The following PGBD5 variants were observed in gnomAD, a reference collection of about 807,000 sequenced individuals.
PGBD5 encodes the protein piggyBac transposable element derived 5.
PGBD5 carries 14 observed loss-of-function variants against 47.9 expected under a neutral mutation model. That is an observed-to-expected ratio of 0.29 (90% CI 0.19 to 0.46). The LOEUF is 0.46. Ranked by LOEUF, PGBD5 falls within the 20% of genes least tolerant of loss-of-function variation. The pLI is 1.00. For synonymous variants in PGBD5, 316 were observed against 306.3 expected (o/e 1.03, Z -0.33); for missense variants, 635 against 716.0 (o/e 0.89, Z 1.29).
At position 230,316,148 on chromosome 1, in the gene PGBD5, A is replaced by G. The variant is rs1393288456; in HGVS notation, c.*7277T>C. 1 of 148,938 alleles carries G rather than the reference A, an allele frequency of 6.7e-6. No homozygotes were observed. Among genetic ancestry groups the G allele is most frequent in the African/African-American group, 2.5e-5 (1 of 39,740 alleles). The allele number at this position is 148,938 out of a possible 1,614,324, so 9.2% of individuals were successfully genotyped here. A position where few individuals can be genotyped will look rare whatever the true frequency, so the allele number is the denominator to read the frequency against. On this transcript the variant is annotated 3_prime_UTR_variant, in exon 7 of 7. Transcript: ENST00000391860. Reference sequence around the variant, plus strand: ...TGTATACATACATATGTATATGTGTACACATATATGTATGTGTATACATAC... The same window carrying G: ...TGTATACATACATATGTATATGTGTGCACATATATGTATGTGTATACATAC...
intron 2 of PGBD5, among the ~76,000 whole-genome samples, chr1:230,352,918 G>A (rs141911747): frequency 3.9e-5 from 6 of 152,216 alleles, no homozygotes; most frequent in East Asian, 3.9e-4. Context: ...GTCCTCTGAG[G>A]CCACAGCAAA....
chr1:230,426,233 G>GCCACCGCCGCCACCACCGCCA lies in PGBD5; in HGVS notation c.-326_-306dup, dbSNP rs1007519599. On this transcript the variant is annotated 5_prime_UTR_variant, in exon 1 of 7. Transcript: ENST00000391860. ...GCGGCCGAGACCAGGCGCCGCCGCC[G>GCCACCGCCGCCACCACCGCCA]CCACCGCCGCCACCACCGCCACCAC... 1 of 148,792 alleles carries GCCACCGCCGCCACCACCGCCA rather than the reference G, an allele frequency of 6.7e-6. No individual in the cohort carries two copies. The highest frequency in any genetic ancestry group is 1.8e-4 in the South Asian group (1 of 5,594). The allele number at this position is 148,792 out of a possible 1,614,324, so 9.2% of individuals were successfully genotyped here. A position where few individuals can be genotyped will look rare whatever the true frequency, so the allele number is the denominator to read the frequency against.
In PGBD5 at chr1:230,337,089, G is replaced by A; in HGVS notation, c.1075+19C>T. The A allele has an allele frequency of 2.5e-6, 4 of 1,610,170 alleles. No homozygotes were observed. The highest frequency in any genetic ancestry group is 3.4e-6 in the Non-Finnish European group (4 of 1,177,184). ...GGGGAGGCTGGGCCGTATCCTCACT[G>A]GCTCCCCACTTGACTAACCTTGCTT... On this transcript the variant is annotated intron_variant, in intron 4 of 6. Transcript: ENST00000391860.
At position 230,321,982 on chromosome 1, in the gene PGBD5, T is replaced by A. The variant is rs1311114031; in HGVS notation, c.*1443A>T. On this transcript the variant is annotated 3_prime_UTR_variant, in exon 7 of 7. Coordinates refer to ENST00000391860, the MANE Select transcript of PGBD5 (RefSeq NM_001258311.2). ...AGCATGCGGACAGCAACACTCGCAA[T>A]AACTGAGTGAGGACGAGGCCCATAG... 6.6e-6 allele frequency: 1 copy of A among 152,404 alleles called. No homozygotes were observed. 9.4% of individuals were successfully genotyped at this position (152,404 alleles called of 1,614,324 possible). A position where few individuals can be genotyped will look rare whatever the true frequency, so the allele number is the denominator to read the frequency against.
At chr1:230,396,259 AC>A (rs1656965641) in intron 1 of PGBD5, among the ~76,000 whole-genome samples, 3 of 10,572 alleles carry the variant, frequency 2.8e-4, no homozygotes, top group African/African-American at 5.4e-4. Flanking sequence ...TTACCCCCAC[AC>A]TCCTCCTTTT....
chr1:230,371,871 G>A (rs16851620), intron 1 of PGBD5, among the ~76,000 whole-genome samples: 11,717 of 152,232 alleles, frequency 0.077, 1,503 homozygotes, highest in African/African-American at 0.26. Context: ...GCCCTACCGC[G>A]GAAGCTCGCC....
rs1378563542 is a variant in PGBD5, at chr1:230,404,626, AAAAAT to A, written c.331+20967_331+20971del. On this transcript the variant is annotated intron_variant, in intron 1 of 6. Coordinates refer to ENST00000391860, the MANE Select transcript of PGBD5 (RefSeq NM_001258311.2). ...AGTCTTGTCTCAAAAAAAAAAAAAAAAAAATATATATATATATATATATGGCCTGG... is the reference window on the plus strand; with the variant it reads ...AGTCTTGTCTCAAAAAAAAAAAAAAAATATATATATATATATATGGCCTGG... Among the ~76,000 whole-genome samples the A allele has an allele frequency of 5.3e-3, 713 of 134,974 alleles. 2 individuals carry two copies. The highest frequency in any genetic ancestry group is 0.045 in the Middle Eastern group (12 of 268). The allele number at this position is 134,974 out of a possible 152,430, so 88.5% of individuals were successfully genotyped here.
chr1:230,385,235 C>T (rs1362372005), intron 1 of PGBD5, among the ~76,000 whole-genome samples: 2 of 152,058 alleles, frequency 1.3e-5, no homozygotes, highest in East Asian at 3.8e-4. Context: ...GGCTGTGGGG[C>T]CTTGACTTTG....
intron 1 of PGBD5, among the ~76,000 whole-genome samples, chr1:230,377,978 G>A (rs1212049498): frequency 1.3e-5 from 2 of 152,210 alleles, no homozygotes; most frequent in Admixed American, 1.3e-4. Flanking sequence ...ACTGAAAATA[G>A]AAAACATGCA....
intron 1 of PGBD5, among the ~76,000 whole-genome samples, chr1:230,399,865 A>G (rs1046690131): frequency 1.3e-5 from 2 of 152,190 alleles, no homozygotes; most frequent in Admixed American, 1.3e-4. Flanking sequence ...TAGCTTCACA[A>G]CACGTCAGGA....
At position 230,317,280 on chromosome 1, in the gene PGBD5, C is replaced by T. The variant is rs1021892808; in HGVS notation, c.*6145G>A. On this transcript the variant is annotated 3_prime_UTR_variant, in exon 7 of 7. Transcript: ENST00000391860. Reference sequence around the variant, plus strand: ...GTTCAGAAGCAGCAGTGGCTGAGAACCAGGAAGCCCTGGAGCAGACAGAGT... The same window carrying T: ...GTTCAGAAGCAGCAGTGGCTGAGAATCAGGAAGCCCTGGAGCAGACAGAGT... The T allele has an allele frequency of 2.0e-5, 3 of 152,284 alleles. No individual in the cohort carries two copies. The highest frequency in any genetic ancestry group is 2.1e-4 in the South Asian group (1 of 4,820). The allele number at this position is 152,284 out of a possible 1,614,324, so 9.4% of individuals were successfully genotyped here.
intron 1 of PGBD5, among the ~76,000 whole-genome samples, chr1:230,360,072 T>C (rs534581988): frequency 6.6e-6 from 1 of 152,324 alleles, no homozygotes; most frequent in African/African-American, 2.4e-5. Flanking sequence ...TATTCAAGGA[T>C]AGTGCTCAAA....
intron 4 of PGBD5, among the ~76,000 whole-genome samples, chr1:230,335,696 T>C (rs1300948410): frequency 2.3e-3 from 1 of 440 alleles, no homozygotes; most frequent in African/African-American, 5.0e-3. Context: ...CACAGACACA[T>C]ACACATACAT....
chr1:230,380,831 G>A (rs901670), intron 1 of PGBD5, among the ~76,000 whole-genome samples: 3,299 of 152,332 alleles, frequency 0.022, 47 homozygotes, highest in Middle Eastern at 0.092. Context: ...ACAGTCAAGA[G>A]AAAGCTTAAG....
At chr1:230,416,969 G>A (rs898215966) in intron 1 of PGBD5, among the ~76,000 whole-genome samples, 3 of 152,168 alleles carry the variant, frequency 2.0e-5, no homozygotes, top group South Asian at 4.1e-4. Context: ...TCTTGGCTAC[G>A]GTTGGCAGCA....
At chr1:230,358,397 C>T (rs1571838870) in intron 1 of PGBD5, among the ~76,000 whole-genome samples, 1 of 152,182 alleles carries the variant, frequency 6.6e-6, no homozygotes, top group African/African-American at 2.4e-5. Context: ...GTAAGTAAAA[C>T]GCTTTCATCA....
chr1:230,347,164 G>A (rs1667486323), intron 3 of PGBD5, among the ~76,000 whole-genome samples: 1 of 152,220 alleles, frequency 6.6e-6, no homozygotes. Flanking sequence ...AAGCAAACAG[G>A]CCTGAATAAA....
intron 3 of PGBD5, among the ~76,000 whole-genome samples, chr1:230,349,706 C>T (rs1205436957): frequency 6.6e-5 from 10 of 152,144 alleles, no homozygotes; most frequent in Non-Finnish European, 1.2e-4. Flanking sequence ...ATGAACCCGA[C>T]GCACCTGTAC....
At chr1:230,421,929 G>T (rs1657658281) in intron 1 of PGBD5, among the ~76,000 whole-genome samples, 1 of 152,076 alleles carries the variant, frequency 6.6e-6, no homozygotes, top group Admixed American at 6.5e-5. Flanking sequence ...TTGAGAGAAA[G>T]ATTTTTCTTT....
Sources: allele counts gnomAD v4.1 joint callset (sites outside exome capture counted in the v4.1 genomes callset), GRCh38; gene constraint gnomAD v4.1.1; transcripts MANE v1.5; gene names NCBI Gene and HGNC (gene_info 2026-07-23, HGNC 2026-07-21).